B3GALT1: variants seen among roughly 807,000 people sequenced by gnomAD.
The protein encoded by B3GALT1 is UDP-Gal:betaGlcNAc beta 1,3-galactosyltransferase, polypeptide 1.
Under a neutral mutation model 23.2 loss-of-function variants are expected in B3GALT1, and 10 were observed. That is an observed-to-expected ratio of 0.43 (90% confidence interval 0.27 to 0.73). The LOEUF (loss-of-function observed/expected upper bound fraction) is 0.73, where lower values mean the gene tolerates loss of function less well. B3GALT1 is among the 30% of genes least tolerant of loss of function. The probability of loss-of-function intolerance (pLI) is 0.21; values close to 1 mark genes in which losing one functional copy is unlikely to be tolerated. For missense variants in B3GALT1, 299 were observed against 405.4 expected (o/e 0.74, Z 2.25); for synonymous variants, 156 against 141.5 (o/e 1.10, Z -0.73).
rs1317296312 is a variant in B3GALT1 at position 167,870,970 on chromosome 2, A to G, written c.*950A>G. 3.0e-5 allele frequency: 5 copies of G among 165,596 alleles called. No individual in the cohort carries two copies. The highest frequency in any genetic ancestry group is 7.3e-5 in the Non-Finnish European group (5 of 68,116). 10.3% of individuals were successfully genotyped at this position (165,596 alleles called of 1,614,324 possible). On this transcript the variant is annotated 3_prime_UTR_variant, in exon 5 of 5. Transcript: ENST00000392690. ...TTAACATAAGCTTAGCAATAGTATAAGATGCCCCCACACACAGACATTTGC... is the reference window on the plus strand; with the variant it reads ...TTAACATAAGCTTAGCAATAGTATAGGATGCCCCCACACACAGACATTTGC...
At chr2:167,666,268 G>T (rs1337836511) in intron 3 of B3GALT1, among the ~76,000 whole-genome samples, 1 of 152,202 alleles carries the variant, frequency 6.6e-6, no homozygotes, top group Non-Finnish European at 1.5e-5. Flanking sequence ...TTTTGAGTGA[G>T]ATTCTTAATC....
At chr2:167,349,626 A>G (rs936533153) in intron 1 of B3GALT1, among the ~76,000 whole-genome samples, 1 of 152,198 alleles carries the variant, frequency 6.6e-6, no homozygotes, top group Non-Finnish European at 1.5e-5. Flanking sequence ...TCAGACTGCA[A>G]AGTTACAGCC....
chr2:167,736,898 T>TTCCA (rs924614823), intron 3 of B3GALT1, among the ~76,000 whole-genome samples: 2 of 151,970 alleles, frequency 1.3e-5, no homozygotes, highest in African/African-American at 4.8e-5. Flanking sequence ...TGCCACTGCA[T>TTCCA]TCCAGCCAGG....
intron 1 of B3GALT1, among the ~76,000 whole-genome samples, chr2:167,364,005 A>G (rs1263471701): frequency 3.3e-5 from 5 of 151,840 alleles, no homozygotes; most frequent in Admixed American, 1.3e-4. Flanking sequence ...CTAAAAACAG[A>G]CAAAAAAAAT....
At chr2:167,703,557 G>C (rs1229866195) in intron 3 of B3GALT1, among the ~76,000 whole-genome samples, 1 of 152,196 alleles carries the variant, frequency 6.6e-6, no homozygotes, top group African/African-American at 2.4e-5. Flanking sequence ...TGTTAGAATA[G>C]ATGACATCTG....
intron 1 of B3GALT1, among the ~76,000 whole-genome samples, chr2:167,390,195 TG>T (rs892078630): frequency 6.6e-6 from 1 of 152,086 alleles, no homozygotes; most frequent in Non-Finnish European, 1.5e-5. Context: ...CATGTGCAAG[TG>T]GGGTTAAATC....
intron 1 of B3GALT1, among the ~76,000 whole-genome samples, chr2:167,385,261 C>T (rs905296671): frequency 1.3e-5 from 2 of 152,146 alleles, no homozygotes; most frequent in African/African-American, 4.8e-5. Context: ...ACTTCCAACT[C>T]TCTTTTAACA....
chr2:167,496,403 T>C lies in B3GALT1; in HGVS notation c.-410+6126T>C, dbSNP rs113275661. On this transcript the variant is annotated intron_variant, in intron 2 of 4. Coordinates refer to ENST00000392690, the MANE Select transcript of B3GALT1 (RefSeq NM_020981.4). Reference sequence around the variant, plus strand: ...GAAAATCAGCCAACAGTAAAGGAGATGGATTAAAGAGAAGAGTAGAAAGAA... The same window carrying C: ...GAAAATCAGCCAACAGTAAAGGAGACGGATTAAAGAGAAGAGTAGAAAGAA... Among the ~76,000 whole-genome samples, 4 of 152,130 alleles carry C rather than the reference T, an allele frequency of 2.6e-5. 1 individual carries two copies. Among genetic ancestry groups the C allele is most frequent in the African/African-American group, 9.6e-5 (4 of 41,488 alleles).
At chr2:167,566,671 T>G (rs1684176940) in intron 2 of B3GALT1, among the ~76,000 whole-genome samples, 2 of 152,086 alleles carry the variant, frequency 1.3e-5, no homozygotes, top group Non-Finnish European at 2.9e-5. Context: ...ATACCAATGT[T>G]GTAACTAGCA....
At chr2:167,467,891 T>G (rs1305382809) in intron 1 of B3GALT1, among the ~76,000 whole-genome samples, 1 of 152,174 alleles carries the variant, frequency 6.6e-6, no homozygotes, top group East Asian at 1.9e-4. Flanking sequence ...ACACTGTTTA[T>G]GACATTGGGG....
chr2:167,397,853 C>T (rs995791418), intron 1 of B3GALT1, among the ~76,000 whole-genome samples: 1 of 152,014 alleles, frequency 6.6e-6, no homozygotes, highest in Admixed American at 6.6e-5. Context: ...TCCACCATTC[C>T]CAGGCAGTGT....
At chr2:167,510,195 G>A (rs972559737) in intron 2 of B3GALT1, among the ~76,000 whole-genome samples, 1 of 152,082 alleles carries the variant, frequency 6.6e-6, no homozygotes, top group Admixed American at 6.6e-5. Flanking sequence ...AAAACCATCA[G>A]GTGTAACTCT....
chr2:167,352,405 G>C (rs1697326648), intron 1 of B3GALT1, among the ~76,000 whole-genome samples: 1 of 151,448 alleles, frequency 6.6e-6, no homozygotes, highest in South Asian at 2.1e-4. Context: ...AGTATATTGG[G>C]AGCATGTGAA....
intron 3 of B3GALT1, among the ~76,000 whole-genome samples, chr2:167,809,994 T>G (rs1236439126): frequency 2.6e-5 from 4 of 152,124 alleles, no homozygotes; most frequent in Non-Finnish European, 2.9e-5. Context: ...CAGGCGCCCC[T>G]CCCCCAGCCT....
chr2:167,423,698 A>G lies in B3GALT1; in HGVS notation c.-510-66479A>G, dbSNP rs539869726. ...AGCCTGGCAACCAAGAGCAGCACCC[A>G]GAAGACTTGATTGCTAGATATAGCA... is the stretch of plus-strand genomic sequence containing the variant. On this transcript the variant is annotated intron_variant, in intron 1 of 4. Transcript: ENST00000392690. Among the ~76,000 whole-genome samples the G allele has an allele frequency of 3.9e-5, 6 of 152,290 alleles. No homozygotes were observed. In the South Asian group the frequency reaches 8.3e-4, roughly 21 times the overall value.
intron 3 of B3GALT1, chr2:167,716,036 G>C: frequency 1.2e-6 from 2 of 1,606,354 alleles, no homozygotes; most frequent in Non-Finnish European, 8.5e-7. Flanking sequence ...GCCCCAAGTA[G>C]GGCCGAGCGG....
At chr2:167,678,299 A>T (rs185079542) in intron 3 of B3GALT1, among the ~76,000 whole-genome samples, 1 of 152,310 alleles carries the variant, frequency 6.6e-6, no homozygotes, top group East Asian at 1.9e-4. Flanking sequence ...CGTTTTAACA[A>T]TTCTTCCTCA....
At chr2:167,790,807 AT>A (rs532599504) in intron 3 of B3GALT1, among the ~76,000 whole-genome samples, 10 of 152,204 alleles carry the variant, frequency 6.6e-5, no homozygotes, top group East Asian at 3.9e-4. Context: ...TTCTAACAGG[AT>A]TTTTTTAATA....
At chr2:167,708,176 G>A (rs758481453) in intron 3 of B3GALT1, among the ~76,000 whole-genome samples, 2 of 152,162 alleles carry the variant, frequency 1.3e-5, no homozygotes, top group African/African-American at 2.4e-5. Flanking sequence ...CCACAAAATA[G>A]CAAATCAAAT....
Sources: gnomAD v4.1 joint callset for allele counts (sites outside exome capture counted in the v4.1 genomes callset) on GRCh38, gnomAD v4.1.1 for gene constraint, MANE v1.5 for transcripts, NCBI Gene and HGNC (gene_info 2026-07-23, HGNC 2026-07-21) for gene names.